KLHL32: variants seen among roughly 807,000 people sequenced by gnomAD.
KLHL32 encodes the protein kelch like family member 32.
Under a neutral mutation model 64.8 loss-of-function variants are expected in KLHL32, and 35 were observed. The observed-to-expected ratio is 0.54, with a 90% CI of 0.41 to 0.72. The LOEUF is 0.72. Among genes scored for constraint, KLHL32 ranks in the 30% least tolerant of loss-of-function variants. The probability of loss-of-function intolerance (pLI) is 0.00; values close to 1 mark genes in which losing one functional copy is unlikely to be tolerated. For missense variants in KLHL32, 589 were observed against 768.5 expected, an observed-to-expected ratio of 0.77 and a Z score of 2.76; for synonymous variants, 259 against 281.0, an observed-to-expected ratio of 0.92 and a Z score of 0.78.
In KLHL32 at chr6:97,081,359, A is replaced by G. The variant is rs117761633; in HGVS notation, c.412-3767A>G. ...AGAGGACTATTGCCTCCTGGAGTGTAGAAGCCACATAGAGGAGGTGATTTA... is the reference window on the plus strand; with the variant it reads ...AGAGGACTATTGCCTCCTGGAGTGTGGAAGCCACATAGAGGAGGTGATTTA... On this transcript the variant is annotated intron_variant, in intron 5 of 10. Transcript: ENST00000369261. Among the ~76,000 whole-genome samples the G allele has an allele frequency of 2.7e-3, 411 of 152,212 alleles. 2 individuals carry two copies. Among genetic ancestry groups the G allele is most frequent in the South Asian group, 6.2e-3 (30 of 4,812 alleles).
At chr6:97,134,746 G>A (rs148128502) in intron 10 of KLHL32, among the ~76,000 whole-genome samples, 1 of 152,274 alleles carries the variant, frequency 6.6e-6, no homozygotes, top group African/African-American at 2.4e-5. Context: ...TAAAGAAAAT[G>A]CTGTACGTAT....
At chr6:97,041,439 G>A in intron 3 of KLHL32, 53 bp from the exon 4 acceptor site, 1 of 1,193,728 alleles carries the variant, frequency 8.4e-7, no homozygotes, top group Non-Finnish European at 1.2e-6. Context: ...ATTTTGTCTT[G>A]CTCCCTTGCT....
chr6:96,991,306 C>G (rs1176356677), intron 3 of KLHL32, among the ~76,000 whole-genome samples: 1 of 152,234 alleles, frequency 6.6e-6, no homozygotes, highest in East Asian at 1.9e-4. Context: ...GCAATTCCAG[C>G]TGAAGGGTCC....
At chr6:96,922,101 T>C (rs895238982), upstream of KLHL32, among the ~76,000 whole-genome samples, 2 of 152,176 alleles carry the variant, frequency 1.3e-5, no homozygotes, top group Non-Finnish European at 2.9e-5. Context: ...GCACCCAATT[T>C]CCTATAGTGA....
the KLHL32 span, among the ~76,000 whole-genome samples, chr6:96,909,784 T>G: frequency 2.6e-5 from 4 of 152,240 alleles, no homozygotes; most frequent in Non-Finnish European, 5.9e-5. Flanking sequence ...CAGAAGAGTT[T>G]GAAAGCATGT....
At chr6:97,002,102 A>G (rs367993203) in intron 3 of KLHL32, among the ~76,000 whole-genome samples, 2 of 152,238 alleles carry the variant, frequency 1.3e-5, no homozygotes, top group East Asian at 1.9e-4. Context: ...CTTCTAGTCC[A>G]AGTCTGAAGG....
At chr6:97,067,816 T>C (rs1444636465) in intron 5 of KLHL32, among the ~76,000 whole-genome samples, 5 of 152,148 alleles carry the variant, frequency 3.3e-5, no homozygotes, top group African/African-American at 4.8e-5. Flanking sequence ...GCCAGGCCTG[T>C]TCCTCCCTGG....
intron 7 of KLHL32, among the ~76,000 whole-genome samples, chr6:97,122,460 T>C (rs1798464553): frequency 6.6e-6 from 1 of 152,210 alleles, no homozygotes; most frequent in Non-Finnish European, 1.5e-5. Context: ...TAATGTCATA[T>C]AAAAATAGGT....
chr6:97,082,702 A>C (rs1792761708), intron 5 of KLHL32, among the ~76,000 whole-genome samples: 1 of 152,160 alleles, frequency 6.6e-6, no homozygotes, highest in Non-Finnish European at 1.5e-5. Context: ...GATATCCAAG[A>C]GACAGCATCT....
chr6:97,130,862 A>T lies in KLHL32; in HGVS notation c.1519A>T (p.Asn507Tyr). 2 of 1,614,162 alleles carry T rather than the reference A, an allele frequency of 1.2e-6. No homozygotes were observed. Among genetic ancestry groups the T allele is most frequent in the Non-Finnish European group, 1.7e-6 (2 of 1,179,988 alleles). The change falls in exon 9 of 11, where the codon AAT (asparagine) becomes TAT (tyrosine). Residue 507 changes from asparagine to tyrosine, a missense_variant. By Grantham distance (143) the Asn-to-Tyr change is moderately radical. This residue lies in a region of KLHL32 where 172 missense variants were observed against 192.0 expected (regional missense o/e 0.90). Coordinates refer to ENST00000369261, the MANE Select transcript of KLHL32 (RefSeq NM_052904.4). ...TCTTGGAGGCAATGACCTAGACTAC[A>T]ATAATGACCGGATCCTTGTGCGCCA... ...YVLGGNDLDY[N>Y]NDRILVRHID...
intron 6 of KLHL32, among the ~76,000 whole-genome samples, chr6:97,089,164 G>A (rs1379825270): frequency 6.6e-6 from 1 of 152,196 alleles, no homozygotes; most frequent in East Asian, 1.9e-4. Context: ...CAAATGGAGA[G>A]AATCCTCCTG....
chr6:96,971,009 T>C (rs1273764627), intron 2 of KLHL32, among the ~76,000 whole-genome samples: 1 of 150,952 alleles, frequency 6.6e-6, no homozygotes, highest in Admixed American at 6.6e-5. Flanking sequence ...GAGATAATTA[T>C]GCATAATTAT....
At chr6:97,098,319 G>A (rs150101256) in intron 6 of KLHL32, among the ~76,000 whole-genome samples, 5 of 152,056 alleles carry the variant, frequency 3.3e-5, no homozygotes, top group Admixed American at 2.6e-4. Flanking sequence ...CATATATTAG[G>A]CACCTGAGAG....
chr6:97,031,086 T>C (rs1459748016), intron 3 of KLHL32, among the ~76,000 whole-genome samples: 1 of 152,212 alleles, frequency 6.6e-6, no homozygotes, highest in Admixed American at 6.5e-5. Flanking sequence ...AAGGAGACTT[T>C]GACCTTCCTC....
chr6:97,003,689 A>G (rs961715650), intron 3 of KLHL32, among the ~76,000 whole-genome samples: 3 of 152,192 alleles, frequency 2.0e-5, no homozygotes, highest in African/African-American at 2.4e-5. Context: ...GAAGGGGTCT[A>G]GTTTCAAAGT....
At chr6:97,027,530 A>C (rs1166377044) in intron 3 of KLHL32, among the ~76,000 whole-genome samples, 1 of 152,208 alleles carries the variant, frequency 6.6e-6, no homozygotes, top group Non-Finnish European at 1.5e-5. Context: ...AGGAAAATTG[A>C]TAAGAAGGAA....
chr6:96,961,542 G>T (rs1346506055), intron 1 of KLHL32, among the ~76,000 whole-genome samples: 1 of 152,146 alleles, frequency 6.6e-6, no homozygotes, highest in Non-Finnish European at 1.5e-5. Flanking sequence ...AATCACTGTG[G>T]TGACAGTTTT....
At chr6:96,971,749 G>T (rs547733799) in intron 2 of KLHL32, among the ~76,000 whole-genome samples, 1 of 152,030 alleles carries the variant, frequency 6.6e-6, no homozygotes, top group South Asian at 2.1e-4. Context: ...AAAACAGAGG[G>T]ACATATATCC....
At chr6:97,103,653 C>T (rs1344400706) in intron 6 of KLHL32, among the ~76,000 whole-genome samples, 1 of 152,170 alleles carries the variant, frequency 6.6e-6, no homozygotes, top group South Asian at 2.1e-4. Flanking sequence ...CAAAGTTGTT[C>T]CTAGGGAGAG....
Sources: gnomAD v4.1 joint callset for allele counts (sites outside exome capture counted in the v4.1 genomes callset) on GRCh38, gnomAD v4.1.1 for gene constraint, gnomAD v4.1.1 regional missense constraint, MANE v1.5 for transcripts, NCBI Gene and HGNC (gene_info 2026-07-23, HGNC 2026-07-21) for gene names.